CCHCR1: variants seen among roughly 807,000 people sequenced by gnomAD.
CCHCR1 encodes HCR (a-helix coiled-coil rod homologue).
A neutral mutation model predicts 114.6 loss-of-function variants in CCHCR1; 91 were observed. That is an observed-to-expected ratio of 0.79 (90% CI 0.67 to 0.94). The LOEUF (loss-of-function observed/expected upper bound fraction) is 0.94, where lower values mean the gene tolerates loss of function less well. Among genes scored for constraint, CCHCR1 ranks in the 40% least tolerant of loss-of-function variants. CCHCR1 has a pLI of 0.00. For synonymous variants in CCHCR1, 379 were observed against 428.5 expected (o/e 0.88, Z 1.43); for missense variants, 899 against 1,079.9 (o/e 0.83, Z 2.35).
intron 13 of CCHCR1, 45 bp from the exon 14 acceptor site, chr6:31,145,118 A>T (rs1449209604): frequency 1.2e-6 from 2 of 1,606,094 alleles, no homozygotes; most frequent in African/African-American, 2.7e-5. Flanking sequence ...AGCACCCTAG[A>T]CACCGGGTTT....
At chr6:31,156,484 C>A in intron 3 of CCHCR1, 1 of 522,570 alleles carries the variant, frequency 1.9e-6, no homozygotes. Flanking sequence ...AATCTATCTC[C>A]CCTCTTAGGA....
intron 10 of CCHCR1, 135 bp from the exon 11 acceptor site, chr6:31,145,943 T>G (rs1774270280): frequency 1.6e-6 from 1 of 616,590 alleles, no homozygotes; most frequent in African/African-American, 1.8e-5. Flanking sequence ...GTCAATTATC[T>G]AAAGGACCCT....
chr6:31,145,561 A>C, intron 11 of CCHCR1, 68 bp from the exon 12 acceptor site: 1 of 1,527,062 alleles, frequency 6.5e-7, no homozygotes, highest in Non-Finnish European at 9.1e-7. Flanking sequence ...ACAGGGAGTA[A>C]GGGAAAAAGA....
Position 31,143,291 on chromosome 6 carries a change from C to G in CCHCR1, c.2290G>C (p.Glu764Gln), listed in dbSNP as rs763604842. The G allele has an allele frequency of 6.2e-7, 1 of 1,612,832 alleles. No homozygotes were observed. Among genetic ancestry groups the G allele is most frequent in the South Asian group, 1.1e-5 (1 of 91,084 alleles). Residue 764 changes from glutamate to glutamine, a missense_variant, in exon 16 of 18, where the codon GAG becomes CAG. Glu to Gln is a conservative substitution (Grantham distance 29, BLOSUM62 2). Transcript: ENST00000396268. This position sits in a 1 kb window ranked among gnomAD's most constrained non-coding sequence, Gnocchi z 5.3. Reference sequence around the variant, plus strand: ...ATGAGGTTCTTATCCCTCTCTAGCTCCTGCAAGCGCCGGGCCAGTCGCTGC... The same window carrying G: ...ATGAGGTTCTTATCCCTCTCTAGCTGCTGCAAGCGCCGGGCCAGTCGCTGC... The part of the protein sequence containing the change: ...EGQRLARRLQ[E>Q]LERDKNLMLA...
rs1303481833 is a variant in CCHCR1 at position 31,151,844 on chromosome 6, T to C, written c.802-722A>G. The stretch of plus-strand genomic sequence containing the variant: ...GGGGTGTCAGAGCCACCAAGAGTCA[T>C]GGGATGGACTGGAAAGGAGGGCAAA... On this transcript the variant is annotated intron_variant, in intron 4 of 17. Coordinates refer to ENST00000396268, the MANE Select transcript of CCHCR1 (RefSeq NM_001105564.2). This position sits in a 1 kb window ranked among gnomAD's most constrained non-coding sequence, Gnocchi z 4.1. Among the ~76,000 whole-genome samples, 1 of 152,012 alleles carries C rather than the reference T, an allele frequency of 6.6e-6. No individual in the cohort carries two copies. Among genetic ancestry groups the C allele is most frequent in the Non-Finnish European group, 1.5e-5 (1 of 67,970 alleles).
At position 31,143,744 on chromosome 6, in the gene CCHCR1, G is replaced by A. The variant is rs905729916; in HGVS notation, c.2168-331C>T. Reference sequence around the variant, plus strand: ...CTATATAGGAGAATTTACTGGCTTTGGGAGATGCGGCTGAACAACTTATGT... The same window carrying A: ...CTATATAGGAGAATTTACTGGCTTTAGGAGATGCGGCTGAACAACTTATGT... On this transcript the variant is annotated intron_variant, in intron 15 of 17. Coordinates refer to ENST00000396268, the MANE Select transcript of CCHCR1 (RefSeq NM_001105564.2). The surrounding 1 kb of genome is among the most constrained non-coding windows in gnomAD (Gnocchi z 5.3). Among the ~76,000 whole-genome samples the A allele has an allele frequency of 6.6e-6, 1 of 152,194 alleles. No homozygotes were observed. The highest frequency in any genetic ancestry group is 2.4e-5 in the African/African-American group (1 of 41,442).
Position 31,150,628 on chromosome 6 carries a change from C to A in CCHCR1, c.1102-63G>T. 1 of 1,589,290 alleles carries A rather than the reference C, an allele frequency of 6.3e-7. No individual in the cohort carries two copies. The highest frequency in any genetic ancestry group is 8.6e-7 in the Non-Finnish European group (1 of 1,163,912). ...CATGCCGCCTTAGGTACCACCTTCT[C>A]TCCCGGAGGCTGTGCTCTACACGCT... On this transcript the variant is annotated intron_variant, in intron 6 of 17. Coordinates refer to ENST00000396268, the MANE Select transcript of CCHCR1 (RefSeq NM_001105564.2). The surrounding 1 kb of genome is among the most constrained non-coding windows in gnomAD (Gnocchi z 5.3).
In CCHCR1 at chr6:31,150,419, C is replaced by G. The variant is rs530170835; in HGVS notation, c.1212+36G>C. 1 of 1,548,734 alleles carries G rather than the reference C, an allele frequency of 6.5e-7. No individual in the cohort carries two copies. Among genetic ancestry groups the G allele is most frequent in the Non-Finnish European group, 8.9e-7 (1 of 1,126,246 alleles). On this transcript the variant is annotated intron_variant, in intron 7 of 17. Transcript: ENST00000396268. The surrounding 1 kb of genome is among the most constrained non-coding windows in gnomAD (Gnocchi z 5.3). ...GGCAGGGGACAGTAGATGCAGGATG[C>G]GGCTGAGGGTGAGGGGTCTGGGGGT...
rs899284404 is a variant in CCHCR1 at position 31,145,146 on chromosome 6, C to A, written c.1876+20G>T. The A allele has an allele frequency of 6.2e-7, 1 of 1,610,860 alleles. No homozygotes were observed. The highest frequency in any genetic ancestry group is 2.2e-5 in the East Asian group (1 of 44,846). ...CCGGGTTTTTCCTCATCCTCTCCAC[C>A]CCCTGGCAACCAGGTGTACCTTGCT... On this transcript the variant is annotated intron_variant, in intron 13 of 17. Coordinates refer to ENST00000396268, the MANE Select transcript of CCHCR1 (RefSeq NM_001105564.2).
chr6:31,147,098 C>T (rs1474929884), intron 10 of CCHCR1, among the ~76,000 whole-genome samples: 1 of 152,122 alleles, frequency 6.6e-6, no homozygotes, highest in Non-Finnish European at 1.5e-5. Context: ...AAGCCAGAGA[C>T]TGTGCTAAGA....
intron 3 of CCHCR1, 195 bp downstream of exon 3, chr6:31,156,536 T>C: frequency 1.8e-6 from 1 of 560,604 alleles, no homozygotes; most frequent in Non-Finnish European, 3.1e-6. Context: ...TCAGGATTTG[T>C]CTTATTCACT....
intron 8 of CCHCR1, among the ~76,000 whole-genome samples, 167 bp downstream of exon 8, chr6:31,149,899 G>A (rs1213098805): frequency 6.6e-6 from 1 of 152,214 alleles, no homozygotes; most frequent in African/African-American, 2.4e-5. Flanking sequence ...TTACTTGCGT[G>A]TTCTGTGTCT....
At position 31,157,689 on chromosome 6, in the gene CCHCR1, T is replaced by A. The variant is rs1314577868; in HGVS notation, c.-89A>T. 9.7e-7 allele frequency: 1 copy of A among 1,033,082 alleles called. No homozygotes were observed. The highest frequency in any genetic ancestry group is 1.4e-6 in the Non-Finnish European group (1 of 705,788). The allele number at this position is 1,033,082 out of a possible 1,614,324, so 64.0% of individuals were successfully genotyped here. ...CCAGCGTCCTGACATCTTATTCAAA[T>A]CTTTCCTGCGGCTGTTCTCTCAGCT... is the stretch of plus-strand genomic sequence containing the variant. On this transcript the variant is annotated 5_prime_UTR_variant, in exon 1 of 18. Coordinates refer to ENST00000396268, the MANE Select transcript of CCHCR1 (RefSeq NM_001105564.2).
At position 31,145,760 on chromosome 6, in the gene CCHCR1, G is replaced by T; in HGVS notation, c.1629C>A (p.Ala543=). 1 of 1,613,096 alleles carries T rather than the reference G, an allele frequency of 6.2e-7. No individual in the cohort carries two copies. Among genetic ancestry groups the T allele is most frequent in the Non-Finnish European group, 8.5e-7 (1 of 1,179,940 alleles). Residue 543 remains alanine (A), a synonymous_variant, in exon 11 of 18, where the codon GCC becomes GCA. Coordinates refer to ENST00000396268, the MANE Select transcript of CCHCR1 (RefSeq NM_001105564.2). ...GGTTGTTGAGGCTGGGAAGCTGGGC[G>T]GCAGCCCCTTCCACCTTAGCCATGG... ...ETTMAKVEGA[A]AQLPSLNNRL...
At chr6:31,146,739 C>T (rs1361412784) in intron 10 of CCHCR1, among the ~76,000 whole-genome samples, 1 of 152,146 alleles carries the variant, frequency 6.6e-6, no homozygotes, top group East Asian at 1.9e-4. Context: ...GTTTGGACTG[C>T]TTTAAGCCTG....
intron 17 of CCHCR1, 22 bp downstream of exon 17, chr6:31,142,941 C>T (rs1367894074): frequency 6.2e-7 from 1 of 1,608,338 alleles, no homozygotes; most frequent in Admixed American, 1.7e-5. Context: ...TGTCCCTTGT[C>T]CCTTTGTGCT....
At position 31,151,557 on chromosome 6, in the gene CCHCR1, G is replaced by C. The variant is rs1775231129; in HGVS notation, c.802-435C>G. Among the ~76,000 whole-genome samples, 2 of 152,184 alleles carry C rather than the reference G, an allele frequency of 1.3e-5. No individual in the cohort carries two copies. The highest frequency in any genetic ancestry group is 1.3e-4 in the Admixed American group (2 of 15,288). On this transcript the variant is annotated intron_variant, in intron 4 of 17. Coordinates refer to ENST00000396268, the MANE Select transcript of CCHCR1 (RefSeq NM_001105564.2). This position sits in a 1 kb window ranked among gnomAD's most constrained non-coding sequence, Gnocchi z 4.1. ...TCCCCGCTCCGGCCACGGGGAGTCT[G>C]CTGAGAACCAGACAGCGGCCCCTCC...
chr6:31,148,752 C>G (rs1774732982), intron 8 of CCHCR1, 24 bp from the exon 9 acceptor site: 2 of 1,420,522 alleles, frequency 1.4e-6, no homozygotes, highest in Non-Finnish European at 2.0e-6. Context: ...GAGAGCTAGG[C>G]AGGGCCCTCT....
chr6:31,148,357 C>G, intron 10 of CCHCR1, 48 bp downstream of exon 10: 2 of 1,214,286 alleles, frequency 1.6e-6, no homozygotes, highest in Non-Finnish European at 2.4e-6. Context: ...TGCCCAGGAA[C>G]CTGAGGTGGC....
Sources: gnomAD v4.1 joint callset for allele counts (sites outside exome capture counted in the v4.1 genomes callset) on GRCh38, gnomAD v4.1.1 for gene constraint, Gnocchi (gnomAD v3.1) non-coding constraint, MANE v1.5 for transcripts, NCBI Gene and HGNC (gene_info 2026-07-23, HGNC 2026-07-21) for gene names.